NAV3: variants seen among roughly 807,000 people sequenced by gnomAD.
NAV3 encodes the protein pore membrane and/or filament interacting like protein 1.
In NAV3, 87 loss-of-function variants were observed where a neutral mutation model predicts 244.7. That is an observed-to-expected ratio of 0.36 (90% confidence interval 0.30 to 0.42). The LOEUF is 0.42. NAV3 is among the 20% of genes least tolerant of loss of function. The pLI is 1.00. For synonymous variants in NAV3, 1,126 were observed against 1,042.2 expected, an observed-to-expected ratio of 1.08 and a Z score of -1.55; for missense variants, 2,663 against 2,893.3, an observed-to-expected ratio of 0.92 and a Z score of 1.83.
intron 2 of NAV3, among the ~76,000 whole-genome samples, chr12:77,627,838 C>T (rs73425563): frequency 0.12 from 17,589 of 152,050 alleles, 1,839 homozygotes; most frequent in African/African-American, 0.28. Flanking sequence ...AATGGTAAAC[C>T]GTTAAGCCAT....
rs1874204133 is a variant in NAV3, at chr12:77,834,076, G to A, written c.243+2372G>A. On this transcript the variant is annotated intron_variant, in intron 1 of 39. Transcript: ENST00000397909. ...TTTTGTCTCTGCCTGCTAAGGTCTCGGGGTTTTTATAGGCACAGAATGGGG... is the reference window on the plus strand; with the variant it reads ...TTTTGTCTCTGCCTGCTAAGGTCTCAGGGTTTTTATAGGCACAGAATGGGG... 2.0e-5 allele frequency among the ~76,000 whole-genome samples: 3 copies of A among 152,118 alleles called. No homozygotes were observed. In the South Asian group the frequency reaches 6.2e-4, roughly 32 times the overall value.
chr12:77,600,901 A>G lies in NAV3; in HGVS notation c.72+28635A>G, dbSNP rs145035883. On this transcript the variant is annotated intron_variant, in intron 2 of 8. Transcript: ENST00000550042. ...TTAAAGTGGCAGGCTTCTGCTTAAA[A>G]TCTAGTACATAATCTACATAATAAT... Among the ~76,000 whole-genome samples the G allele has an allele frequency of 4.6e-3, 698 of 152,062 alleles. 3 individuals are homozygous for G. Among genetic ancestry groups the G allele is most frequent in the African/African-American group, 0.016 (667 of 41,522 alleles).
intron 2 of NAV3, among the ~76,000 whole-genome samples, chr12:77,665,114 A>G (rs1265772642): frequency 6.6e-6 from 1 of 152,286 alleles, no homozygotes; most frequent in African/African-American, 2.4e-5. Context: ...ATTTATATCA[A>G]CACTTTTGGA....
chr12:77,633,055 A>G (rs541250444), intron 2 of NAV3, among the ~76,000 whole-genome samples: 3 of 152,222 alleles, frequency 2.0e-5, no homozygotes, highest in South Asian at 2.1e-4. Context: ...AAATGTTTCT[A>G]TTAGAGTATA....
At chr12:77,656,088 T>G (rs1013401240) in intron 2 of NAV3, among the ~76,000 whole-genome samples, 2 of 149,988 alleles carry the variant, frequency 1.3e-5, no homozygotes, top group Admixed American at 6.7e-5. Flanking sequence ...TAATGAGAGG[T>G]TCAAATTCAC....
At chr12:77,835,807 G>A (rs1160336610) in intron 1 of NAV3, among the ~76,000 whole-genome samples, 1 of 152,064 alleles carries the variant, frequency 6.6e-6, no homozygotes, top group African/African-American at 2.4e-5. Flanking sequence ...ATCTTATAAT[G>A]TCTTCATTCA....
intron 2 of NAV3, among the ~76,000 whole-genome samples, chr12:77,790,235 A>T (rs1185592188): frequency 1.3e-5 from 2 of 152,226 alleles, no homozygotes; most frequent in Non-Finnish European, 2.9e-5. Context: ...GGCATATGCC[A>T]TATTAAACTA....
intron 12 of NAV3, among the ~76,000 whole-genome samples, chr12:78,066,433 G>T (rs1885030445): frequency 6.6e-6 from 1 of 152,106 alleles, no homozygotes; most frequent in Admixed American, 6.6e-5. Flanking sequence ...TTACGTAGAT[G>T]ATTCATCCAG....
chr12:77,909,514 A>G (rs1020259221), intron 1 of NAV3, among the ~76,000 whole-genome samples: 7 of 152,080 alleles, frequency 4.6e-5, no homozygotes, highest in Non-Finnish European at 7.4e-5. Flanking sequence ...TACCACATGG[A>G]AAAAAGGCAG....
chr12:78,168,277 A>G (rs1445517240), intron 23 of NAV3, among the ~76,000 whole-genome samples: 1 of 151,800 alleles, frequency 6.6e-6, no homozygotes, highest in Non-Finnish European at 1.5e-5. Context: ...AATACAAATA[A>G]TCAATTTTGC....
Position 78,025,360 on chromosome 12 carries a change from G to A in NAV3, c.2023+3498G>A, listed in dbSNP as rs140597774. On this transcript the variant is annotated intron_variant, in intron 9 of 39. Transcript: ENST00000397909. ...CGCTTGTAATTCTAGCACTTTGGGA[G>A]GCCGAGGGGGTCAGGTAATGAGATC... Among the ~76,000 whole-genome samples the A allele has an allele frequency of 6.9e-4, 105 of 152,136 alleles. 1 individual carries two copies. The highest frequency in any genetic ancestry group is 2.4e-3 in the African/African-American group (98 of 41,512).
At chr12:78,190,301 T>G (rs1419675045) in intron 34 of NAV3, 82 bp downstream of exon 34, 3 of 1,124,068 alleles carry the variant, frequency 2.7e-6, no homozygotes, top group Non-Finnish European at 3.8e-6. Flanking sequence ...TTTGTGAGAC[T>G]TCCATGTTGT....
At chr12:78,204,219 G>A (rs926894739) in intron 38 of NAV3, among the ~76,000 whole-genome samples, 5 of 147,134 alleles carry the variant, frequency 3.4e-5, no homozygotes, top group East Asian at 2.0e-4. Context: ...TGGGGCGGAG[G>A]GGGGAGGGAT....
chr12:78,094,219 A>G (rs1049554242), intron 12 of NAV3, among the ~76,000 whole-genome samples: 2 of 152,190 alleles, frequency 1.3e-5, no homozygotes, highest in East Asian at 1.9e-4. Flanking sequence ...CTATATGTCT[A>G]TTGATTTAAG....
chr12:77,631,837 A>G (rs11106041), intron 2 of NAV3, among the ~76,000 whole-genome samples: 17,627 of 152,102 alleles, frequency 0.12, 1,825 homozygotes, highest in African/African-American at 0.28. Context: ...ATGTCACAAG[A>G]TCCATCAGTG....
chr12:77,705,812 T>C (rs1000076014), intron 2 of NAV3, among the ~76,000 whole-genome samples: 3 of 151,590 alleles, frequency 2.0e-5, no homozygotes, highest in Non-Finnish European at 4.4e-5. Flanking sequence ...CTCTCTGTTA[T>C]TATTAATGAA....
intron 2 of NAV3, among the ~76,000 whole-genome samples, chr12:77,698,528 C>T (rs1396096553): frequency 6.6e-6 from 1 of 152,102 alleles, no homozygotes; most frequent in East Asian, 1.9e-4. Flanking sequence ...AATGTGTCAG[C>T]CAAGCAACTG....
At chr12:78,106,628 A>T (rs1467718883) in intron 12 of NAV3, among the ~76,000 whole-genome samples, 1 of 152,212 alleles carries the variant, frequency 6.6e-6, no homozygotes, top group African/African-American at 2.4e-5. Flanking sequence ...TCTGGGTTCC[A>T]GTAGGTTACT....
intron 5 of NAV3, among the ~76,000 whole-genome samples, chr12:77,980,493 GC>G (rs1440084577): frequency 6.6e-6 from 1 of 152,104 alleles, no homozygotes; most frequent in Non-Finnish European, 1.5e-5. Flanking sequence ...TGACTACAAT[GC>G]TTTTTAAGTA....
Sources: allele counts gnomAD v4.1 joint callset (sites outside exome capture counted in the v4.1 genomes callset), GRCh38; gene constraint gnomAD v4.1.1; transcripts MANE v1.5; gene names NCBI Gene and HGNC (gene_info 2026-07-23, HGNC 2026-07-21).